Variants in MAGI2 observed in about 807,000 individuals in gnomAD.
The protein encoded by MAGI2 is membrane-associated guanylate kinase, WW and PDZ domain-containing protein 2.
Under a neutral mutation model 133.3 loss-of-function variants are expected in MAGI2, and 35 were observed. The observed-to-expected ratio is 0.26, with a 90% CI of 0.20 to 0.35. The LOEUF (loss-of-function observed/expected upper bound fraction) is 0.35, where lower values mean the gene tolerates loss of function less well. Ranked by LOEUF, MAGI2 falls within the 10% of genes least tolerant of loss-of-function variation. MAGI2 has a pLI of 1.00. For synonymous variants in MAGI2, 729 were observed against 710.6 expected, an observed-to-expected ratio of 1.03 and a Z score of -0.41; for missense variants, 1,636 against 1,863.4, an observed-to-expected ratio of 0.88 and a Z score of 2.25.
chr7:78,448,881 C>G (rs1788426477), intron 6 of MAGI2, among the ~76,000 whole-genome samples: 1 of 151,906 alleles, frequency 6.6e-6, no homozygotes, highest in Non-Finnish European at 1.5e-5. Flanking sequence ...CAAGCTTTAT[C>G]AAGGAGTCAA....
At chr7:79,153,081 T>C (rs1321670923) in intron 1 of MAGI2, among the ~76,000 whole-genome samples, 1 of 152,114 alleles carries the variant, frequency 6.6e-6, no homozygotes, top group Non-Finnish European at 1.5e-5. Flanking sequence ...CAATGGTAAA[T>C]AAAGTGATAA....
At chr7:79,121,480 C>T (rs1040491498) in intron 1 of MAGI2, among the ~76,000 whole-genome samples, 28 of 151,986 alleles carry the variant, frequency 1.8e-4, no homozygotes, top group Admixed American at 2.6e-4. Flanking sequence ...TTTCCTTAGG[C>T]GCTAGGTAGC....
intron 21 of MAGI2, among the ~76,000 whole-genome samples, chr7:78,020,213 G>A (rs1808241296): frequency 1.3e-5 from 2 of 152,040 alleles, no homozygotes; most frequent in East Asian, 3.9e-4. Context: ...CCGTGGACCG[G>A]GGAGGCCAAC....
chr7:79,441,286 C>A (rs1848478718), intron 1 of MAGI2, among the ~76,000 whole-genome samples: 1 of 152,130 alleles, frequency 6.6e-6, no homozygotes, highest in Non-Finnish European at 1.5e-5. Context: ...TAGTAACTAA[C>A]TTTGTGGTTT....
At chr7:79,206,215 AT>A (rs986139446) in intron 1 of MAGI2, among the ~76,000 whole-genome samples, 4 of 151,604 alleles carry the variant, frequency 2.6e-5, no homozygotes, top group Admixed American at 6.6e-5. Flanking sequence ...AAAAAAAAAA[AT>A]GAAATAATAA....
chr7:78,439,882 T>A (rs1193499190), intron 6 of MAGI2, among the ~76,000 whole-genome samples: 1 of 152,132 alleles, frequency 6.6e-6, no homozygotes, highest in Non-Finnish European at 1.5e-5. Flanking sequence ...GGCTGCTTGG[T>A]CCAGTAATGG....
chr7:78,364,192 TAGTG>T (rs779043502), intron 7 of MAGI2, among the ~76,000 whole-genome samples: 1 of 152,224 alleles, frequency 6.6e-6, no homozygotes, highest in Non-Finnish European at 1.5e-5. Context: ...GAGCTTTCCT[TAGTG>T]AGATTTTAAA....
chr7:78,525,553 G>A (rs185097157), intron 3 of MAGI2, among the ~76,000 whole-genome samples: 1 of 152,260 alleles, frequency 6.6e-6, no homozygotes, highest in Non-Finnish European at 1.5e-5. Flanking sequence ...TGTTCCCTAA[G>A]GATGAAGTGC....
intron 1 of MAGI2, among the ~76,000 whole-genome samples, chr7:79,417,202 A>G (rs1179307762): frequency 6.6e-6 from 1 of 152,156 alleles, no homozygotes; most frequent in African/African-American, 2.4e-5. Flanking sequence ...GTATAAACAC[A>G]TTATATCTAA....
intron 1 of MAGI2, among the ~76,000 whole-genome samples, chr7:79,291,183 G>T (rs556975591): frequency 1.3e-5 from 2 of 151,924 alleles, no homozygotes; most frequent in Non-Finnish European, 2.9e-5. Flanking sequence ...GTGGTCTTTT[G>T]TGTCTTTTTT....
chr7:79,199,348 C>T (rs1169737338), intron 1 of MAGI2, among the ~76,000 whole-genome samples: 2 of 151,944 alleles, frequency 1.3e-5, no homozygotes, highest in Non-Finnish European at 2.9e-5. Flanking sequence ...CTGTACGCTT[C>T]CTACTAAGAT....
chr7:78,619,225 A>T (rs1383550080), intron 3 of MAGI2, among the ~76,000 whole-genome samples: 3 of 151,836 alleles, frequency 2.0e-5, no homozygotes, highest in Non-Finnish European at 2.9e-5. Context: ...AGATGTGTAC[A>T]AGAGTTAGTA....
At chr7:79,364,240 G>A (rs932281206) in intron 1 of MAGI2, among the ~76,000 whole-genome samples, 2 of 151,858 alleles carry the variant, frequency 1.3e-5, no homozygotes, top group Non-Finnish European at 2.9e-5. Context: ...CGCACTATAG[G>A]TTATGTATCC....
intron 14 of MAGI2, chr7:78,170,919 T>A (rs550955753): frequency 6.6e-6 from 1 of 152,334 alleles, no homozygotes; most frequent in South Asian, 2.1e-4. Context: ...GAGCTGAGCA[T>A]GGTGTGCCGT....
intron 1 of MAGI2, among the ~76,000 whole-genome samples, chr7:79,030,662 T>C (rs1448050340): frequency 1.3e-5 from 2 of 152,194 alleles, no homozygotes; most frequent in East Asian, 1.9e-4. Context: ...GAATCTACTA[T>C]ATTAATGGGA....
At chr7:79,088,951 G>T (rs1423459549) in intron 1 of MAGI2, among the ~76,000 whole-genome samples, 1 of 152,002 alleles carries the variant, frequency 6.6e-6, no homozygotes, top group Non-Finnish European at 1.5e-5. Context: ...TGACAAAGGG[G>T]ATATAATTAA....
chr7:78,913,138 A>T (rs1421666854), intron 2 of MAGI2, among the ~76,000 whole-genome samples: 1 of 152,070 alleles, frequency 6.6e-6, no homozygotes, highest in East Asian at 1.9e-4. Context: ...AGCATTTTGA[A>T]TATTAGCTAG....
chr7:79,098,119 T>G (rs1453086009), intron 1 of MAGI2, among the ~76,000 whole-genome samples: 1 of 151,986 alleles, frequency 6.6e-6, no homozygotes, highest in East Asian at 1.9e-4. Flanking sequence ...GAGACCCTGT[T>G]TCAAAAAAAA....
intron 2 of MAGI2, among the ~76,000 whole-genome samples, chr7:79,002,225 G>A (rs181126053): frequency 1.3e-4 from 19 of 150,604 alleles, no homozygotes; most frequent in Middle Eastern, 3.4e-3. Context: ...TTGACTTCCC[G>A]AGCTCAAGTG....
Sources: allele counts gnomAD v4.1 joint callset (sites outside exome capture counted in the v4.1 genomes callset), GRCh38; gene constraint gnomAD v4.1.1; transcripts MANE v1.5; gene names NCBI Gene and HGNC (gene_info 2026-07-23, HGNC 2026-07-21).